The following IST1 variants were observed in gnomAD, a reference collection of about 807,000 sequenced individuals.
The protein encoded by IST1 is IST1 factor associated with ESCRT-III.
A neutral mutation model predicts 37.0 loss-of-function variants in IST1; 23 were observed. The observed-to-expected ratio is 0.62, with a 90% CI of 0.45 to 0.88. IST1 has a LOEUF of 0.88. Among genes scored for constraint, IST1 ranks in the 40% least tolerant of loss-of-function variants. The pLI is 0.00. For synonymous variants in IST1, 180 were observed against 161.7 expected, an observed-to-expected ratio of 1.11 and a Z score of -0.86; for missense variants, 488 against 445.4, an observed-to-expected ratio of 1.10 and a Z score of -0.86.
chr16:71,924,194 G>T (rs1316110378), intron 8 of IST1: 1 of 455,942 alleles, frequency 2.2e-6, no homozygotes. Flanking sequence ...ATCTTCATCA[G>T]TATTTGAGGA....
intron 9 of IST1, among the ~76,000 whole-genome samples, chr16:71,926,993 A>C (rs192830870): frequency 9.2e-5 from 14 of 152,332 alleles, no homozygotes; most frequent in Admixed American, 3.9e-4. Flanking sequence ...TGTTTGTTCT[A>C]TCAGAATCCT....
chr16:71,911,437 G>GGT (rs1260679719), intron 1 of IST1, among the ~76,000 whole-genome samples: 4 of 152,024 alleles, frequency 2.6e-5, no homozygotes, highest in Admixed American at 2.6e-4. Context: ...GGAGGCTGAG[G>GGT]CAAGAGAATT....
At chr16:71,903,367 TA>T (rs2037151446) in intron 1 of IST1, 1 of 152,056 alleles carries the variant, frequency 6.6e-6, no homozygotes, top group Non-Finnish European at 1.5e-5. Context: ...TACATATATA[TA>T]TTTTTTTTTT....
At chr16:71,922,243 G>C (rs1260925877) in intron 6 of IST1, among the ~76,000 whole-genome samples, 2 of 152,202 alleles carry the variant, frequency 1.3e-5, no homozygotes, top group Non-Finnish European at 1.5e-5. Context: ...ACACCATCAG[G>C]TCCATTCCAG....
Position 71,923,348 on chromosome 16 carries a change from C to G in IST1, c.820C>G (p.Gln274Glu). 8 of 1,611,170 alleles carry G rather than the reference C, an allele frequency of 5.0e-6. No individual in the cohort carries two copies. The highest frequency in any genetic ancestry group is 5.1e-6 in the Non-Finnish European group (6 of 1,177,474). Residue 274 changes from glutamine (Q) to glutamate (E), a missense_variant, in exon 8 of 10, where the codon CAG (glutamine) becomes GAG (glutamate). Transcript: ENST00000378799. ...YQAFPNIHPPQIPATPPSYES... is the reference protein window; with the variant it reads ...YQAFPNIHPPEIPATPPSYES... ...GGCCTTTCCCAATATTCATCCACCT[C>G]AGATACCAGCAACTCCCCCATCGTA...
chr16:71,904,374 G>A (rs1411179335), intron 1 of IST1, among the ~76,000 whole-genome samples: 1 of 152,140 alleles, frequency 6.6e-6, no homozygotes, highest in Non-Finnish European at 1.5e-5. Context: ...CACCTGCCTC[G>A]GCCTGCCAAA....
At chr16:71,921,133 A>G (rs1039993296) in intron 5 of IST1, 1 of 598,948 alleles carries the variant, frequency 1.7e-6, no homozygotes, top group Admixed American at 2.9e-5. Context: ...ATCTTTTGCC[A>G]GCATCTGGGT....
At chr16:71,901,033 A>G (rs904305630) in intron 1 of IST1, among the ~76,000 whole-genome samples, 3 of 152,174 alleles carry the variant, frequency 2.0e-5, no homozygotes, top group Non-Finnish European at 4.4e-5. Context: ...ATGTATAAAA[A>G]TTTGTTTATG....
At chr16:71,913,328 T>G (rs1197820317) in intron 1 of IST1, among the ~76,000 whole-genome samples, 1 of 152,106 alleles carries the variant, frequency 6.6e-6, no homozygotes, top group Non-Finnish European at 1.5e-5. Flanking sequence ...TGGTATCTCA[T>G]TGTGATTTCA....
At chr16:71,920,845 A>C in intron 5 of IST1, 23 bp downstream of exon 5, 1 of 1,543,436 alleles carries the variant, frequency 6.5e-7, no homozygotes, top group Non-Finnish European at 9.0e-7. Context: ...CTTGGTAAAC[A>C]TGAAGGCAGT....
At chr16:71,924,107 TG>T (rs1445203020) in intron 8 of IST1, 1 of 456,104 alleles carries the variant, frequency 2.2e-6, no homozygotes, top group Non-Finnish European at 4.4e-6. Flanking sequence ...TGTTCTACCT[TG>T]GGCCTGAGTT....
Position 71,927,339 on chromosome 16 carries a change from A to G in IST1, c.902-275A>G, listed in dbSNP as rs548818406. 9.9e-5 allele frequency among the ~76,000 whole-genome samples: 15 copies of G among 152,186 alleles called. No individual in the cohort carries two copies. In the East Asian group the frequency reaches 2.3e-3, roughly 24 times the overall value. Reference sequence around the variant, plus strand: ...CCCTCTCTCTACTAAAAATACAAAAATTAGCCAGGTGTGGTGGCATGCGCC... The same window carrying G: ...CCCTCTCTCTACTAAAAATACAAAAGTTAGCCAGGTGTGGTGGCATGCGCC... On this transcript the variant is annotated intron_variant, in intron 9 of 9. Coordinates refer to ENST00000378799, the MANE Select transcript of IST1 (RefSeq NM_001270975.2).
At chr16:71,899,762 G>A (rs2037060269) in intron 1 of IST1, among the ~76,000 whole-genome samples, 3 of 149,182 alleles carry the variant, frequency 2.0e-5, no homozygotes, top group African/African-American at 5.0e-5. Flanking sequence ...GGTGGCTAAC[G>A]CCTGTAATCC....
At chr16:71,920,627 CCA>C (rs1450240459) in intron 4 of IST1, 110 bp from the exon 5 acceptor site, 3 of 701,372 alleles carry the variant, frequency 4.3e-6, no homozygotes, top group Non-Finnish European at 7.6e-6. Flanking sequence ...TTTGCAGACT[CCA>C]GTGTTTTGGA....
chr16:71,898,305 A>G (rs1199646827), intron 1 of IST1, among the ~76,000 whole-genome samples: 1 of 141,438 alleles, frequency 7.1e-6, no homozygotes, highest in African/African-American at 2.6e-5. Flanking sequence ...TGAACCTGGG[A>G]GGTGGAGGTT....
At chr16:71,901,999 G>A (rs1475654644) in intron 1 of IST1, among the ~76,000 whole-genome samples, 2 of 152,286 alleles carry the variant, frequency 1.3e-5, no homozygotes, top group East Asian at 1.9e-4. Flanking sequence ...CACAAAAGAG[G>A]CTAGCTAATC....
At chr16:71,911,008 G>A (rs139093401) in intron 1 of IST1, among the ~76,000 whole-genome samples, 3,076 of 152,244 alleles carry the variant, frequency 0.02, 39 homozygotes, top group Middle Eastern at 0.071. Flanking sequence ...GGGAGGCTGA[G>A]GTGGGTGGAT....
rs573785309 is a variant in IST1 at position 71,914,211 on chromosome 16, C to T, written c.-15-1415C>T. ...TGAGACAGAGTCTTGTTCCTCCAGG[C>T]GGGAGTGCACGATCTTGGCTCACTG... On this transcript the variant is annotated intron_variant, in intron 1 of 9. Transcript: ENST00000378799. Among the ~76,000 whole-genome samples, 46 of 147,246 alleles carry T rather than the reference C, an allele frequency of 3.1e-4. 1 individual carries two copies. Among genetic ancestry groups the T allele is most frequent in the African/African-American group, 6.5e-4 (26 of 39,702 alleles).
chr16:71,923,525 A>G (rs2037661372), intron 8 of IST1, 145 bp downstream of exon 8: 2 of 508,472 alleles, frequency 3.9e-6, no homozygotes, highest in Non-Finnish European at 3.5e-6. Context: ...GTTGCTTTAT[A>G]ACACTACCCT....
Sources: gnomAD v4.1 joint callset for allele counts (sites outside exome capture counted in the v4.1 genomes callset) on GRCh38, gnomAD v4.1.1 for gene constraint, MANE v1.5 for transcripts, NCBI Gene and HGNC (gene_info 2026-07-23, HGNC 2026-07-21) for gene names.